TANC2: variants seen among roughly 807,000 people sequenced by gnomAD.
TANC2 encodes protein TANC2.
In TANC2, 26 loss-of-function variants were observed where a neutral mutation model predicts 210.5. The observed-to-expected ratio is 0.12, with a 90% CI of 0.09 to 0.17. TANC2 has a LOEUF of 0.17. Among genes scored for constraint, TANC2 ranks in the 10% least tolerant of loss-of-function variants. The pLI, the probability that TANC2 is intolerant of heterozygous loss-of-function variation, is 1.00. For missense variants in TANC2, 2,129 were observed against 2,608.9 expected, an observed-to-expected ratio of 0.82 and a Z score of 4.01; for synonymous variants, 931 against 967.1, an observed-to-expected ratio of 0.96 and a Z score of 0.69.
intron 13 of TANC2, among the ~76,000 whole-genome samples, chr17:63,353,983 A>G (rs2046703724): frequency 6.6e-6 from 1 of 152,120 alleles, no homozygotes; most frequent in Non-Finnish European, 1.5e-5. Flanking sequence ...TAGATAGCGA[A>G]TACAGAAAAC....
rs145743787 is a variant in TANC2, at chr17:63,022,495, G to A, written c.67+12869G>A. Among the ~76,000 whole-genome samples the A allele has an allele frequency of 3.2e-4, 49 of 152,266 alleles. 1 individual carries two copies. The East Asian group carries it at 8.5e-3, about 26-fold the overall frequency. On this transcript the variant is annotated intron_variant, in intron 2 of 27. Transcript: ENST00000689528. ...GATATAATTTATAATTAAAAGGGAA[G>A]CAGAGCATAAACATTTCAAAAATTC...
At chr17:63,238,685 A>G (rs1174047887) in intron 8 of TANC2, among the ~76,000 whole-genome samples, 4 of 152,206 alleles carry the variant, frequency 2.6e-5, no homozygotes, top group African/African-American at 9.6e-5. Flanking sequence ...CCGTTTTCAC[A>G]CTGCTATAAA....
chr17:63,127,092 C>T (rs2038739027), intron 4 of TANC2, among the ~76,000 whole-genome samples: 2 of 152,238 alleles, frequency 1.3e-5, no homozygotes, highest in Non-Finnish European at 2.9e-5. Context: ...GTCAACACTG[C>T]GATTAAAATT....
intron 14 of TANC2, among the ~76,000 whole-genome samples, chr17:63,356,033 G>A (rs926246198): frequency 6.6e-5 from 10 of 152,094 alleles, no homozygotes; most frequent in African/African-American, 2.2e-4. Flanking sequence ...CATGGGAGAA[G>A]GGAGGGGCAC....
At chr17:63,269,472 C>T (rs2043631284) in intron 9 of TANC2, among the ~76,000 whole-genome samples, 1 of 152,124 alleles carries the variant, frequency 6.6e-6, no homozygotes, top group Admixed American at 6.6e-5. Flanking sequence ...TCTATATGGA[C>T]CTTCAGATTT....
chr17:63,373,413 G>A (rs1473821196), intron 14 of TANC2, among the ~76,000 whole-genome samples: 1 of 152,066 alleles, frequency 6.6e-6, no homozygotes, highest in African/African-American at 2.4e-5. Flanking sequence ...TCTTTACAGT[G>A]GTGGATTTTT....
chr17:63,088,864 C>T (rs2037075300), intron 3 of TANC2: 1 of 152,042 alleles, frequency 6.6e-6, no homozygotes, highest in Admixed American at 6.6e-5. Flanking sequence ...TAACGGTTAC[C>T]GAAGGCTTTT....
intron 1 of TANC2, among the ~76,000 whole-genome samples, chr17:62,989,759 AAC>A (rs1436944112): frequency 6.6e-6 from 1 of 151,570 alleles, no homozygotes; most frequent in African/African-American, 2.4e-5. Flanking sequence ...TAGAATAAAA[AAC>A]ACATGCTTTT....
chr17:63,184,006 C>T (rs1212387529), intron 5 of TANC2, among the ~76,000 whole-genome samples: 3 of 148,714 alleles, frequency 2.0e-5, no homozygotes, highest in Non-Finnish European at 4.4e-5. Flanking sequence ...GACAGCGAGA[C>T]TCCGTCTCAA....
chr17:63,423,722 C>T (rs1766920234), exon 28 of TANC2: 1 of 152,184 alleles, frequency 6.6e-6, no homozygotes, highest in African/African-American at 2.4e-5. Context: ...ATAGACGGAC[C>T]TCTCCACCCC....
chr17:63,183,744 G>A (rs1204651867), intron 5 of TANC2, among the ~76,000 whole-genome samples: 3 of 152,300 alleles, frequency 2.0e-5, no homozygotes, highest in East Asian at 1.9e-4. Context: ...CAGGCTGGGC[G>A]CGGTGGCTCA....
At chr17:63,109,741 A>G (rs1180535697) in intron 4 of TANC2, among the ~76,000 whole-genome samples, 1 of 151,770 alleles carries the variant, frequency 6.6e-6, no homozygotes, top group Admixed American at 6.5e-5. Flanking sequence ...GAACACTTTC[A>G]GTGATAGTGA....
chr17:63,265,590 A>AG (rs2146256644), intron 8 of TANC2, among the ~76,000 whole-genome samples: 2 of 152,328 alleles, frequency 1.3e-5, no homozygotes, highest in South Asian at 4.1e-4. Context: ...CAGGAAAGGA[A>AG]GGGAGATGAT....
At chr17:63,038,094 G>GT (rs1484404937) in intron 2 of TANC2, among the ~76,000 whole-genome samples, 4 of 152,018 alleles carry the variant, frequency 2.6e-5, no homozygotes, top group Non-Finnish European at 5.9e-5. Context: ...TTCTTGCCTT[G>GT]TTTCCTGAGC....
intron 9 of TANC2, among the ~76,000 whole-genome samples, chr17:63,291,291 C>T (rs2044375855): frequency 6.6e-6 from 1 of 152,166 alleles, no homozygotes; most frequent in African/African-American, 2.4e-5. Context: ...TAGTACAGAG[C>T]AGTGATTTTC....
At chr17:63,130,955 C>T (rs1381246684) in intron 4 of TANC2, 1 of 152,150 alleles carries the variant, frequency 6.6e-6, no homozygotes, top group Non-Finnish European at 1.5e-5. Flanking sequence ...TTTATTCCTT[C>T]AGAGTTGTGG....
chr17:63,381,111 C>T (rs2047594088), intron 15 of TANC2: 1 of 152,210 alleles, frequency 6.6e-6, no homozygotes. Context: ...TGAAGCTAAT[C>T]CCTGCCTTTG....
At chr17:63,198,146 G>A (rs982107852) in intron 6 of TANC2, among the ~76,000 whole-genome samples, 2 of 152,002 alleles carry the variant, frequency 1.3e-5, no homozygotes, top group Non-Finnish European at 2.9e-5. Context: ...GAACAGAAAT[G>A]AGTTGTTATA....
At chr17:63,204,890 G>T (rs2041650222) in intron 7 of TANC2, among the ~76,000 whole-genome samples, 1 of 152,080 alleles carries the variant, frequency 6.6e-6, no homozygotes, top group Admixed American at 6.6e-5. Flanking sequence ...TTTGAGACCA[G>T]CCTGGCCAAC....
Sources: gnomAD v4.1 joint callset for allele counts (sites outside exome capture counted in the v4.1 genomes callset) on GRCh38, gnomAD v4.1.1 for gene constraint, MANE v1.5 for transcripts, NCBI Gene and HGNC (gene_info 2026-07-23, HGNC 2026-07-21) for gene names.